Variants in ERBB4 observed in about 807,000 individuals in gnomAD.
ERBB4 encodes the protein erb-b2 receptor tyrosine kinase 4.
A neutral mutation model predicts 158.0 loss-of-function variants in ERBB4; 42 were observed. That is an observed-to-expected ratio of 0.27 (90% CI 0.21 to 0.34). The LOEUF (loss-of-function observed/expected upper bound fraction) is 0.34, where lower values mean the gene tolerates loss of function less well. Among genes scored for constraint, ERBB4 ranks in the 10% least tolerant of loss-of-function variants. The probability of loss-of-function intolerance (pLI) is 1.00; values close to 1 mark genes in which losing one functional copy is unlikely to be tolerated. For synonymous variants in ERBB4, 583 were observed against 558.7 expected, an observed-to-expected ratio of 1.04 and a Z score of -0.61; for missense variants, 1,333 against 1,624.1, an observed-to-expected ratio of 0.82 and a Z score of 3.08.
chr2:212,346,308 G>C (rs944000117), intron 1 of ERBB4, among the ~76,000 whole-genome samples: 10 of 151,314 alleles, frequency 6.6e-5, no homozygotes, highest in South Asian at 4.2e-4. Context: ...CTCAATGATG[G>C]CCCCCCCCAA....
intron 2 of ERBB4, among the ~76,000 whole-genome samples, chr2:212,012,903 C>A (rs1200785998): frequency 6.6e-6 from 1 of 151,998 alleles, no homozygotes; most frequent in Admixed American, 6.6e-5. Context: ...TGTCACCACA[C>A]CTGGTCAACC....
At chr2:212,223,425 ATAT>A (rs1410673364) in intron 1 of ERBB4, among the ~76,000 whole-genome samples, 5 of 76,480 alleles carry the variant, frequency 6.5e-5, no homozygotes, top group East Asian at 6.7e-4. Flanking sequence ...ATATATATAT[ATAT>A]TTTTTTTATT....
chr2:212,496,718 G>A (rs964454728), intron 1 of ERBB4, among the ~76,000 whole-genome samples: 6 of 152,056 alleles, frequency 3.9e-5, no homozygotes, highest in African/African-American at 7.2e-5. Flanking sequence ...TCCGTGAGTC[G>A]TCAAGAGTAT....
At chr2:211,424,423 A>C in intron 22 of ERBB4, 122 bp from the exon 23 acceptor site, 2 of 677,262 alleles carry the variant, frequency 3.0e-6, no homozygotes, top group South Asian at 3.5e-5. Context: ...CAATTAAAAA[A>C]AAAAAAGCTC....
chr2:211,488,042 C>A (rs1304764462), intron 20 of ERBB4, among the ~76,000 whole-genome samples: 4 of 151,762 alleles, frequency 2.6e-5, no homozygotes, highest in Non-Finnish European at 5.9e-5. Flanking sequence ...TCATACCACA[C>A]AGAGTGCTTC....
At chr2:212,129,546 T>G (rs999286319) in intron 1 of ERBB4, among the ~76,000 whole-genome samples, 2 of 151,888 alleles carry the variant, frequency 1.3e-5, no homozygotes, top group Non-Finnish European at 2.9e-5. Context: ...AAACTTCTTA[T>G]AATGAACATA....
At chr2:212,182,518 C>T (rs1471673630) in intron 1 of ERBB4, among the ~76,000 whole-genome samples, 1 of 151,790 alleles carries the variant, frequency 6.6e-6, no homozygotes, top group Non-Finnish European at 1.5e-5. Context: ...AGGACATGAA[C>T]ATTCATCACT....
At chr2:212,387,738 T>C (rs1339492742) in intron 1 of ERBB4, among the ~76,000 whole-genome samples, 1 of 152,094 alleles carries the variant, frequency 6.6e-6, no homozygotes, top group Non-Finnish European at 1.5e-5. Flanking sequence ...CATTTGAATC[T>C]TGAACATTTT....
chr2:212,208,128 G>T (rs562060368), intron 1 of ERBB4, among the ~76,000 whole-genome samples: 4 of 152,062 alleles, frequency 2.6e-5, no homozygotes, highest in African/African-American at 9.6e-5. Context: ...TTTATTTAAG[G>T]AATATCTATA....
chr2:211,402,910 T>C (rs2063074827), intron 25 of ERBB4, among the ~76,000 whole-genome samples: 1 of 152,054 alleles, frequency 6.6e-6, no homozygotes, highest in South Asian at 2.1e-4. Context: ...CCGTTCCTCC[T>C]ACATATTTTC....
intron 1 of ERBB4, among the ~76,000 whole-genome samples, chr2:212,371,598 C>T (rs749323384): frequency 2.0e-5 from 3 of 152,210 alleles, no homozygotes; most frequent in Non-Finnish European, 4.4e-5. Context: ...GTGGCCATCA[C>T]TACTGATAAT....
At chr2:211,817,760 T>C (rs138711794) in intron 3 of ERBB4, among the ~76,000 whole-genome samples, 18 of 152,268 alleles carry the variant, frequency 1.2e-4, no homozygotes, top group African/African-American at 4.3e-4. Context: ...AGGTAAGAGA[T>C]GAGCCCTTAT....
chr2:212,255,107 T>C (rs1354791854), intron 1 of ERBB4, among the ~76,000 whole-genome samples: 1 of 152,178 alleles, frequency 6.6e-6, no homozygotes, highest in Admixed American at 6.5e-5. Flanking sequence ...AGTTCAACAT[T>C]TTATAATACT....
At chr2:211,828,965 C>A (rs2077162514) in intron 3 of ERBB4, among the ~76,000 whole-genome samples, 1 of 152,118 alleles carries the variant, frequency 6.6e-6, no homozygotes, top group African/African-American at 2.4e-5. Context: ...TGGTACCAAC[C>A]ACTCTCTTTC....
At chr2:211,538,095 A>G (rs945427199) in intron 20 of ERBB4, among the ~76,000 whole-genome samples, 13 of 152,016 alleles carry the variant, frequency 8.6e-5, no homozygotes, top group African/African-American at 3.1e-4. Context: ...ACTTTAACAA[A>G]AATAATTATA....
At chr2:212,458,214 C>CA (rs145223043) in intron 1 of ERBB4, among the ~76,000 whole-genome samples, 7,657 of 151,852 alleles carry the variant, frequency 0.05, 281 homozygotes, top group Middle Eastern at 0.088. Flanking sequence ...ATGATTACGA[C>CA]AAAAAACTGT....
At chr2:211,814,901 T>C (rs1038412902) in intron 3 of ERBB4, among the ~76,000 whole-genome samples, 2 of 152,216 alleles carry the variant, frequency 1.3e-5, no homozygotes, top group Non-Finnish European at 2.9e-5. Context: ...TAATTACATA[T>C]GCCACATTTA....
Position 211,673,653 on chromosome 2 carries a change from GAAAGA to G in ERBB4, c.1623-401_1623-397del, listed in dbSNP as rs1220206973. ...GGAGAAGCTTTTATTTCTAAACTCTGAAAGAACTATTGTATTTTTCTTGTTGCTAA... is the reference window on the plus strand; with the variant it reads ...GGAGAAGCTTTTATTTCTAAACTCTGACTATTGTATTTTTCTTGTTGCTAA... On this transcript the variant is annotated intron_variant, in intron 13 of 27. Transcript: ENST00000342788. Among the ~76,000 whole-genome samples the G allele has an allele frequency of 4.0e-5, 6 of 151,736 alleles. No individual in the cohort carries two copies. In the East Asian group the frequency reaches 1.2e-3, roughly 29 times the overall value.
chr2:212,308,189 A>C (rs1419133419), intron 1 of ERBB4, among the ~76,000 whole-genome samples: 1 of 151,196 alleles, frequency 6.6e-6, no homozygotes, highest in African/African-American at 2.4e-5. Flanking sequence ...ACCGTCTGGC[A>C]TGTAATAGGT....
Sources: gnomAD v4.1 joint callset for allele counts (sites outside exome capture counted in the v4.1 genomes callset) on GRCh38, gnomAD v4.1.1 for gene constraint, MANE v1.5 for transcripts, NCBI Gene and HGNC (gene_info 2026-07-23, HGNC 2026-07-21) for gene names.